Variants in CSGALNACT1 observed in about 807,000 individuals in gnomAD.
CSGALNACT1 encodes the protein beta4GalNAcT-1.
CSGALNACT1 carries 52 observed loss-of-function variants against 51.0 expected under a neutral mutation model. The ratio of observed to expected loss-of-function variants is 1.02; its 90% CI spans 0.82 to 1.29. The LOEUF is 1.29. CSGALNACT1 is among the 50% of genes most tolerant of loss of function. The pLI is 0.00. For missense variants in CSGALNACT1, 935 were observed against 679.2 expected (o/e 1.38, Z -4.19); for synonymous variants, 341 against 254.4 (o/e 1.34, Z -3.24).
Position 19,439,812 on chromosome 8 carries a change from G to T in CSGALNACT1, c.953+18C>A. On this transcript the variant is annotated intron_variant, in intron 6 of 9. Coordinates refer to ENST00000454498, the Ensembl canonical transcript of CSGALNACT1. ...TCAGTTACCAGGATTCCTTATGACAGCTCCGTATTGTACTCACTTGGAAGT... is the reference window on the plus strand; with the variant it reads ...TCAGTTACCAGGATTCCTTATGACATCTCCGTATTGTACTCACTTGGAAGT... 1 of 1,584,202 alleles carries T rather than the reference G, an allele frequency of 6.3e-7. No homozygotes were observed. The highest frequency in any genetic ancestry group is 8.7e-7 in the Non-Finnish European group (1 of 1,152,900).
chr8:19,630,014 A>T (rs1424259106), intron 1 of CSGALNACT1, among the ~76,000 whole-genome samples: 1 of 152,182 alleles, frequency 6.6e-6, no homozygotes, highest in African/African-American at 2.4e-5. Context: ...AAAGATCTCA[A>T]CATAGAATGA....
intron 9 of CSGALNACT1, 108 bp from the exon 9 acceptor site, chr8:19,406,177 T>C: frequency 5.5e-6 from 7 of 1,262,512 alleles, no homozygotes; most frequent in Non-Finnish European, 8.1e-6. Context: ...GGGGGATGCG[T>C]GCTTCACCAC....
At chr8:19,438,768 G>A (rs2060811908) in intron 6 of CSGALNACT1, among the ~76,000 whole-genome samples, 1 of 152,280 alleles carries the variant, frequency 6.6e-6, no homozygotes, top group South Asian at 2.1e-4. Flanking sequence ...TTTGGCCAGT[G>A]GGCTGTAGTT....
At chr8:19,655,714 G>A (rs560153330) in intron 1 of CSGALNACT1, among the ~76,000 whole-genome samples, 1 of 152,186 alleles carries the variant, frequency 6.6e-6, no homozygotes, top group South Asian at 2.1e-4. Flanking sequence ...CACCAACCCA[G>A]CTGCTAGTCT....
At chr8:19,468,796 C>T (rs4922034) in intron 4 of CSGALNACT1, among the ~76,000 whole-genome samples, 111,150 of 151,874 alleles carry the variant, frequency 0.73, 41,792 homozygotes, top group East Asian at 0.88. Context: ...GCTTGGCGGG[C>T]AAGCCTTTTG....
intron 1 of CSGALNACT1, among the ~76,000 whole-genome samples, chr8:19,656,948 C>G (rs1244699036): frequency 2.0e-5 from 3 of 151,720 alleles, no homozygotes; most frequent in Non-Finnish European, 4.4e-5. Flanking sequence ...TGCCTGTAGT[C>G]CCAGCTATTC....
intron 4 of CSGALNACT1, among the ~76,000 whole-genome samples, chr8:19,486,533 C>T: frequency 6.6e-6 from 1 of 152,288 alleles, no homozygotes; most frequent in East Asian, 1.9e-4. Context: ...CACACTGCCC[C>T]TCGAAGCATT....
chr8:19,692,445 G>A (rs1034696669), intron 1 of CSGALNACT1, among the ~76,000 whole-genome samples: 2 of 152,134 alleles, frequency 1.3e-5, no homozygotes, highest in African/African-American at 4.8e-5. Flanking sequence ...GTTCTACCTG[G>A]TGTGTTCAAT....
chr8:19,424,884 T>C (rs910464800), intron 6 of CSGALNACT1, among the ~76,000 whole-genome samples: 2 of 152,324 alleles, frequency 1.3e-5, no homozygotes, highest in East Asian at 3.9e-4. Flanking sequence ...ATGCAGACTG[T>C]AGTGGTTGCC....
At chr8:19,437,285 G>C (rs934825630) in intron 6 of CSGALNACT1, among the ~76,000 whole-genome samples, 1 of 152,170 alleles carries the variant, frequency 6.6e-6, no homozygotes, top group South Asian at 2.1e-4. Context: ...ACTCCCAAAA[G>C]AAGAGAATAA....
chr8:19,600,455 T>C lies in CSGALNACT1; in HGVS notation c.-416+1316A>G, dbSNP rs146009213. ...AAGGTCTTACTAATTATGGTCTACATGGGGTTGTAATGACATTGCTCTCTT... is the reference window on the plus strand; with the variant it reads ...AAGGTCTTACTAATTATGGTCTACACGGGGTTGTAATGACATTGCTCTCTT... On this transcript the variant is annotated intron_variant, in intron 2 of 9. Coordinates refer to ENST00000454498, the Ensembl canonical transcript of CSGALNACT1. 2.1e-3 allele frequency among the ~76,000 whole-genome samples: 324 copies of C among 152,254 alleles called. 3 individuals carry two copies. The highest frequency in any genetic ancestry group is 7.1e-3 in the African/African-American group (294 of 41,540).
chr8:19,461,594 TCCGC>T (rs1229273689), intron 4 of CSGALNACT1, among the ~76,000 whole-genome samples: 12 of 129,394 alleles, frequency 9.3e-5, no homozygotes, highest in Non-Finnish European at 1.1e-4. Context: ...GGGGGGCGTA[TCCGC>T]ACAGCGGCCA....
At chr8:19,673,129 G>T (rs74689071) in intron 1 of CSGALNACT1, among the ~76,000 whole-genome samples, 2 of 152,120 alleles carry the variant, frequency 1.3e-5, no homozygotes, top group African/African-American at 2.4e-5. Flanking sequence ...ACACACACCC[G>T]CTGTGACCAT....
chr8:19,495,547 C>A (rs1311481067), intron 4 of CSGALNACT1, among the ~76,000 whole-genome samples: 1 of 152,160 alleles, frequency 6.6e-6, no homozygotes, highest in African/African-American at 2.4e-5. Context: ...GGGACTATCC[C>A]TCCCCACAAG....
In CSGALNACT1 at chr8:19,742,463, T is replaced by C. The variant is rs1395732947; in HGVS notation, c.-297+15387A>G. Among the ~76,000 whole-genome samples, 4 of 152,228 alleles carry C rather than the reference T, an allele frequency of 2.6e-5. No homozygotes were observed. In the East Asian group the frequency reaches 7.7e-4, roughly 29 times the overall value. On this transcript the variant is annotated intron_variant, in intron 1 of 1. Transcript: ENST00000517494. ...CTGATCACTGCCCTTGCAGGCTGAATATGCAAGATGCCAGGCCTCTGAAAC... is the reference window on the plus strand; with the variant it reads ...CTGATCACTGCCCTTGCAGGCTGAACATGCAAGATGCCAGGCCTCTGAAAC...
exon 1 of CSGALNACT1, chr8:19,602,162 G>T: frequency 5.0e-6 from 1 of 199,884 alleles, no homozygotes; most frequent in Non-Finnish European, 1.0e-5. Context: ...AGCCGATCTC[G>T]CAGGAAAGAA....
At chr8:19,738,869 AAT>A (rs774971258) in intron 1 of CSGALNACT1, among the ~76,000 whole-genome samples, 2 of 152,176 alleles carry the variant, frequency 1.3e-5, no homozygotes, top group South Asian at 2.1e-4. Context: ...GTTGATAGAA[AAT>A]ATAGAAGACA....
chr8:19,559,530 C>T (rs2040229215), intron 3 of CSGALNACT1, among the ~76,000 whole-genome samples: 4 of 152,120 alleles, frequency 2.6e-5, no homozygotes, highest in Non-Finnish European at 5.9e-5. Context: ...AAGGAAGAAA[C>T]AACTGTCGTT....
chr8:19,451,883 T>C (rs938197779), intron 5 of CSGALNACT1, among the ~76,000 whole-genome samples: 3 of 152,332 alleles, frequency 2.0e-5, no homozygotes, highest in Non-Finnish European at 2.9e-5. Flanking sequence ...TTACAGAAGA[T>C]ACTAAAGCTG....
Sources: gnomAD v4.1 joint callset for allele counts (sites outside exome capture counted in the v4.1 genomes callset) on GRCh38, gnomAD v4.1.1 for gene constraint, MANE v1.5 for transcripts, NCBI Gene and HGNC (gene_info 2026-07-23, HGNC 2026-07-21) for gene names.